Variants in STARD6 observed in about 807,000 individuals in gnomAD.
STARD6 encodes the protein stAR-related lipid transfer protein 6.
In STARD6, 21 loss-of-function variants were observed where a neutral mutation model predicts 22.3. The observed-to-expected ratio is 0.94, with a 90% confidence interval of 0.67 to 1.35. The LOEUF (loss-of-function observed/expected upper bound fraction) is 1.35. STARD6 is among the 40% of genes most tolerant of loss of function. STARD6 has a pLI of 0.00. For missense variants in STARD6, 269 were observed against 266.9 expected, an observed-to-expected ratio of 1.01 and a Z score of -0.05; for synonymous variants, 80 against 88.1, an observed-to-expected ratio of 0.91 and a Z score of 0.52.
chr18:54,334,905 C>G (rs1362731668), intron 5 of STARD6, among the ~76,000 whole-genome samples: 1 of 151,988 alleles, frequency 6.6e-6, no homozygotes, highest in Admixed American at 6.6e-5. Flanking sequence ...CTTATGTGTC[C>G]CTAGTGAACT....
At chr18:54,333,910 T>C (rs2088887334) in intron 5 of STARD6, among the ~76,000 whole-genome samples, 1 of 152,236 alleles carries the variant, frequency 6.6e-6, no homozygotes, top group Admixed American at 6.5e-5. Context: ...AATGCAATCA[T>C]TTGTGAAAAT....
chr18:54,328,795 A>G (rs2088844373), intron 7 of STARD6, among the ~76,000 whole-genome samples: 1 of 152,182 alleles, frequency 6.6e-6, no homozygotes, highest in African/African-American at 2.4e-5. Flanking sequence ...CTTTTACAAA[A>G]TAAGTATATT....
intron 7 of STARD6, 109 bp downstream of exon 7, chr18:54,329,238 A>C: frequency 1.2e-6 from 1 of 818,886 alleles, no homozygotes; most frequent in East Asian, 2.9e-5. Flanking sequence ...TTTTTCCCGC[A>C]ACAGAATATG....
At chr18:54,337,062 C>T in intron 5 of STARD6, 63 bp downstream of exon 5, 2 of 1,414,046 alleles carry the variant, frequency 1.4e-6, no homozygotes, top group Non-Finnish European at 9.6e-7. Flanking sequence ...TTAATCAACT[C>T]ACTAAGGTAT....
intron 5 of STARD6, among the ~76,000 whole-genome samples, chr18:54,333,434 A>AG (rs2088882111): frequency 6.6e-6 from 1 of 152,230 alleles, no homozygotes; most frequent in Non-Finnish European, 1.5e-5. Flanking sequence ...GGGGTGACAG[A>AG]GCGAGACTCT....
chr18:54,330,219 A>C (rs2088855539), intron 6 of STARD6, among the ~76,000 whole-genome samples: 1 of 152,068 alleles, frequency 6.6e-6, no homozygotes, highest in African/African-American at 2.4e-5. Flanking sequence ...ACAATGTAAA[A>C]CACTAAGGAG....
chr18:54,348,952 T>G (rs183093171), intron 4 of STARD6, among the ~76,000 whole-genome samples: 2 of 152,136 alleles, frequency 1.3e-5, no homozygotes, highest in Non-Finnish European at 2.9e-5. Flanking sequence ...GTAGCCAATA[T>G]AATATAACTG....
At chr18:54,353,367 A>G (rs1347109257) in intron 4 of STARD6, among the ~76,000 whole-genome samples, 1 of 152,226 alleles carries the variant, frequency 6.6e-6, no homozygotes, top group African/African-American at 2.4e-5. Context: ...AAAAAAATGC[A>G]TATTTAAAAT....
chr18:54,356,127 T>G (rs1161040338), intron 2 of STARD6, among the ~76,000 whole-genome samples: 1 of 152,196 alleles, frequency 6.6e-6, no homozygotes, highest in Non-Finnish European at 1.5e-5. Flanking sequence ...TTTAAAAAAC[T>G]CTCCAAAGAT....
intron 4 of STARD6, among the ~76,000 whole-genome samples, chr18:54,350,116 TC>T (rs2089081742): frequency 6.6e-6 from 1 of 152,212 alleles, no homozygotes; most frequent in Non-Finnish European, 1.5e-5. Context: ...GTAAAAGTGT[TC>T]CCTTTTCACC....
chr18:54,352,730 A>C, intron 4 of STARD6, among the ~76,000 whole-genome samples: 1 of 152,254 alleles, frequency 6.6e-6, no homozygotes, highest in East Asian at 1.9e-4. Context: ...AATATCTCTG[A>C]TGAAAATTTC....
intron 4 of STARD6, among the ~76,000 whole-genome samples, chr18:54,345,996 C>G (rs1050067718): frequency 6.6e-5 from 10 of 152,048 alleles, no homozygotes; most frequent in African/African-American, 2.4e-4. Context: ...TCTTTGTGAC[C>G]TTGGGTCAGC....
intron 4 of STARD6, among the ~76,000 whole-genome samples, chr18:54,351,909 T>G (rs930303273): frequency 3.3e-5 from 5 of 149,578 alleles, no homozygotes; most frequent in Non-Finnish European, 5.9e-5. Flanking sequence ...GTTTTTTTTT[T>G]TTTTTTTTTT....
intron 2 of STARD6, chr18:54,355,667 C>G (rs2089136875): frequency 6.6e-6 from 1 of 152,202 alleles, no homozygotes. Context: ...TTATTGTTTA[C>G]AAGTCATTCA....
intron 4 of STARD6, among the ~76,000 whole-genome samples, chr18:54,343,899 G>C (rs1421523519): frequency 3.0e-5 from 1 of 33,482 alleles, no homozygotes; most frequent in Non-Finnish European, 5.0e-5. Flanking sequence ...CGAGGGAGGT[G>C]GGGGGGTCAG....
At chr18:54,354,269 G>C (rs2089123635) in intron 3 of STARD6, 166 bp from the exon 4 acceptor site, 2 of 629,112 alleles carry the variant, frequency 3.2e-6, no homozygotes, top group Admixed American at 3.1e-5. Context: ...CCAGTCTGTA[G>C]TGTACTGGCT....
At chr18:54,336,378 G>A (rs185552609) in intron 5 of STARD6, among the ~76,000 whole-genome samples, 8 of 152,202 alleles carry the variant, frequency 5.3e-5, no homozygotes, top group South Asian at 2.1e-4. Context: ...GTGGTTTCCC[G>A]CATGCTGTTC....
Position 54,330,111 on chromosome 18 carries a change from A to G in STARD6, c.386-671T>C, listed in dbSNP as rs565108562. On this transcript the variant is annotated intron_variant, in intron 6 of 7. Coordinates refer to ENST00000307844, the MANE Select transcript of STARD6 (RefSeq NM_139171.2). ...CTCTTCTAAAACTATTTTAAAAGAT[A>G]TATTTGTTTATTCTGTGCAACTGAA... 2.6e-5 allele frequency among the ~76,000 whole-genome samples: 4 copies of G among 152,074 alleles called. No homozygotes were observed. In the East Asian group the frequency reaches 7.7e-4, roughly 29 times the overall value.
chr18:54,329,091 G>C (rs1568165989), intron 7 of STARD6, among the ~76,000 whole-genome samples: 1 of 152,098 alleles, frequency 6.6e-6, no homozygotes, highest in Non-Finnish European at 1.5e-5. Flanking sequence ...AAGCTTAACT[G>C]CTGGGAAATG....
Sources: allele counts gnomAD v4.1 joint callset (sites outside exome capture counted in the v4.1 genomes callset), GRCh38; gene constraint gnomAD v4.1.1; transcripts MANE v1.5; gene names NCBI Gene and HGNC (gene_info 2026-07-23, HGNC 2026-07-21).